The following PRKD1 variants were observed in gnomAD, a reference collection of about 807,000 sequenced individuals.
PRKD1 encodes protein kinase D1, also known as serine/threonine-protein kinase D1.
Under a neutral mutation model 95.9 loss-of-function variants are expected in PRKD1, and 63 were observed. That is an observed-to-expected ratio of 0.66 (90% CI 0.54 to 0.81). The LOEUF is 0.81. Ranked by LOEUF, PRKD1 falls within the 30% of genes least tolerant of loss-of-function variation. PRKD1 has a pLI of 0.00. For synonymous variants in PRKD1, 425 were observed against 423.1 expected (o/e 1.00, Z -0.05); for missense variants, 1,048 against 1,165.3 (o/e 0.90, Z 1.47).
chr14:29,656,206 G>A (rs1881826779), intron 4 of PRKD1, among the ~76,000 whole-genome samples: 1 of 152,110 alleles, frequency 6.6e-6, no homozygotes, highest in Admixed American at 6.6e-5. Flanking sequence ...CAATCACAGG[G>A]CAAAATCTGA....
chr14:29,813,475 A>G (rs1212078794), intron 1 of PRKD1, among the ~76,000 whole-genome samples: 1 of 152,210 alleles, frequency 6.6e-6, no homozygotes, highest in East Asian at 1.9e-4. Context: ...GAGCCAGATA[A>G]GAATTTTATG....
intron 9 of PRKD1, among the ~76,000 whole-genome samples, 192 bp downstream of exon 9, chr14:29,632,677 A>G (rs1880089708): frequency 6.6e-6 from 1 of 152,158 alleles, no homozygotes; most frequent in Admixed American, 6.5e-5. Context: ...TTTAAAATTC[A>G]CAGAAGAATC....
intron 1 of PRKD1, among the ~76,000 whole-genome samples, chr14:29,738,213 T>C (rs1261991095): frequency 2.0e-5 from 3 of 152,216 alleles, no homozygotes; most frequent in East Asian, 1.9e-4. Flanking sequence ...TGAAAAAGAA[T>C]TGCACACTGT....
Position 29,840,912 on chromosome 14 carries a change from C to T in PRKD1, c.264+86337G>A, listed in dbSNP as rs769628574. Among the ~76,000 whole-genome samples the T allele has an allele frequency of 2.6e-5, 4 of 152,184 alleles. No individual in the cohort carries two copies. The East Asian group carries it at 7.7e-4, about 29-fold the overall frequency. On this transcript the variant is annotated intron_variant, in intron 1 of 17. Transcript: ENST00000331968. Reference sequence around the variant, plus strand: ...ATTCAAGATGACATTTGGGTGGGGACACAGCCAAACCGTATCAGGGGTAGT... The same window carrying T: ...ATTCAAGATGACATTTGGGTGGGGATACAGCCAAACCGTATCAGGGGTAGT...
At chr14:29,926,087 C>G (rs1369505619) in intron 1 of PRKD1, among the ~76,000 whole-genome samples, 1 of 152,232 alleles carries the variant, frequency 6.6e-6, no homozygotes, top group Non-Finnish European at 1.5e-5. Flanking sequence ...TAGTCTAGAA[C>G]TTTCACAACT....
intron 1 of PRKD1, among the ~76,000 whole-genome samples, chr14:29,796,877 T>C (rs1367814302): frequency 6.6e-6 from 1 of 152,196 alleles, no homozygotes; most frequent in Non-Finnish European, 1.5e-5. Context: ...AAATGAAGAA[T>C]GGCACAGAAG....
intron 13 of PRKD1, among the ~76,000 whole-genome samples, chr14:29,612,493 A>T (rs2139052444): frequency 6.6e-6 from 1 of 152,316 alleles, no homozygotes; most frequent in Non-Finnish European, 1.5e-5. Context: ...CTATGAAGGA[A>T]ATAGACCAAG....
chr14:29,608,341 T>C (rs971320843), intron 13 of PRKD1, among the ~76,000 whole-genome samples: 5 of 152,086 alleles, frequency 3.3e-5, no homozygotes, highest in Non-Finnish European at 7.4e-5. Context: ...GAATGAAAAA[T>C]AAACTTTCAG....
At chr14:29,615,718 T>A (rs1878809056) in intron 13 of PRKD1, among the ~76,000 whole-genome samples, 1 of 152,212 alleles carries the variant, frequency 6.6e-6, no homozygotes, top group Admixed American at 6.5e-5. Flanking sequence ...TTTATTCATG[T>A]TTATACGGCC....
intron 16 of PRKD1, among the ~76,000 whole-genome samples, chr14:29,578,758 A>G (rs1012304066): frequency 2.0e-5 from 3 of 152,132 alleles, no homozygotes; most frequent in Non-Finnish European, 4.4e-5. Context: ...TAATTTTGTT[A>G]TAAAACATGC....
At chr14:29,886,930 AG>A (rs1187753073) in intron 1 of PRKD1, among the ~76,000 whole-genome samples, 2 of 152,226 alleles carry the variant, frequency 1.3e-5, no homozygotes, top group Non-Finnish European at 2.9e-5. Context: ...CTTTGATGGT[AG>A]GTGCTGTCAT....
At chr14:29,642,606 A>G (rs1221381711) in intron 4 of PRKD1, among the ~76,000 whole-genome samples, 5 of 152,218 alleles carry the variant, frequency 3.3e-5, no homozygotes, top group African/African-American at 1.2e-4. Context: ...TATCAAGTTT[A>G]TAAGTTATAA....
chr14:29,633,013 A>C (rs1880126201), intron 8 of PRKD1, 67 bp from the exon 9 acceptor site: 1 of 1,414,578 alleles, frequency 7.1e-7, no homozygotes, highest in Admixed American at 1.7e-5. Flanking sequence ...TGAAAACATA[A>C]ATAGATTTCC....
intron 13 of PRKD1, among the ~76,000 whole-genome samples, chr14:29,607,874 G>A (rs1415643703): frequency 6.6e-6 from 1 of 152,230 alleles, no homozygotes; most frequent in South Asian, 2.1e-4. Flanking sequence ...ACAGGGCAGG[G>A]GTATGTGGGG....
intron 16 of PRKD1, among the ~76,000 whole-genome samples, chr14:29,581,510 G>A (rs1185143505): frequency 6.6e-6 from 1 of 152,092 alleles, no homozygotes. Flanking sequence ...AAGTCAGACA[G>A]CTCCTAGGCA....
intron 1 of PRKD1, among the ~76,000 whole-genome samples, chr14:29,783,365 A>G (rs1889132562): frequency 6.6e-6 from 1 of 152,202 alleles, no homozygotes; most frequent in South Asian, 2.1e-4. Context: ...TCTGTTGTAC[A>G]TATATTCCAC....
intron 1 of PRKD1, among the ~76,000 whole-genome samples, chr14:29,733,712 C>T (rs956896693): frequency 6.6e-6 from 1 of 152,044 alleles, no homozygotes. Context: ...GAGAAACTGC[C>T]TCCATGATTA....
chr14:29,693,456 A>C (rs556305944), intron 2 of PRKD1, among the ~76,000 whole-genome samples: 1 of 152,176 alleles, frequency 6.6e-6, no homozygotes, highest in East Asian at 1.9e-4. Flanking sequence ...AAATCAATGC[A>C]AAAAAATAGC....
At chr14:29,851,778 C>CTTATATG (rs368820454) in intron 1 of PRKD1, among the ~76,000 whole-genome samples, 2,329 of 152,246 alleles carry the variant, frequency 0.015, 60 homozygotes, top group African/African-American at 0.048. Context: ...GACACATACA[C>CTTATATG]TTATATGTTC....
Sources: gnomAD v4.1 joint callset for allele counts (sites outside exome capture counted in the v4.1 genomes callset) on GRCh38, gnomAD v4.1.1 for gene constraint, MANE v1.5 for transcripts, NCBI Gene and HGNC (gene_info 2026-07-23, HGNC 2026-07-21) for gene names.